The following SHISA9 variants were observed in gnomAD, a reference collection of about 807,000 sequenced individuals.
The protein encoded by SHISA9 is protein shisa-9.
Under a neutral mutation model 38.0 loss-of-function variants are expected in SHISA9, and 13 were observed. The ratio of observed to expected loss-of-function variants is 0.34; its 90% CI spans 0.22 to 0.54. The LOEUF (loss-of-function observed/expected upper bound fraction) is 0.54. Ranked by LOEUF, SHISA9 falls within the 20% of genes least tolerant of loss-of-function variation. SHISA9 has a pLI of 0.91. For synonymous variants in SHISA9, 275 were observed against 242.0 expected (o/e 1.14, Z -1.27); for missense variants, 538 against 575.8 (o/e 0.93, Z 0.67).
At chr16:13,096,731 C>A (rs1433921921) in intron 2 of SHISA9, among the ~76,000 whole-genome samples, 1 of 152,160 alleles carries the variant, frequency 6.6e-6, no homozygotes, top group Non-Finnish European at 1.5e-5. Context: ...TGTAGACTTT[C>A]TTACTCGCTC....
the SHISA9 span, among the ~76,000 whole-genome samples, chr16:13,263,083 A>T: frequency 2.6e-5 from 4 of 152,238 alleles, no homozygotes; most frequent in East Asian, 7.7e-4. Context: ...AATTTGTCTC[A>T]TGTCTTAAAC....
At chr16:13,148,395 C>T (rs572611339) in intron 2 of SHISA9, among the ~76,000 whole-genome samples, 2 of 151,974 alleles carry the variant, frequency 1.3e-5, no homozygotes, top group African/African-American at 2.4e-5. Context: ...CCATGACACA[C>T]CCACACAATC....
intron 2 of SHISA9, among the ~76,000 whole-genome samples, chr16:13,137,304 A>T (rs969308478): frequency 6.6e-6 from 1 of 152,188 alleles, no homozygotes; most frequent in Admixed American, 6.5e-5. Context: ...TCATGAAAAA[A>T]TATGTCTCAA....
the SHISA9 span, among the ~76,000 whole-genome samples, chr16:13,519,739 C>T: frequency 6.6e-6 from 1 of 152,100 alleles, no homozygotes; most frequent in Non-Finnish European, 1.5e-5. Flanking sequence ...CACATGGTGG[C>T]AGGAGAGAAA....
At chr16:13,533,739 G>T in the SHISA9 span, among the ~76,000 whole-genome samples, 1 of 150,690 alleles carries the variant, frequency 6.6e-6, no homozygotes, top group African/African-American at 2.4e-5. Flanking sequence ...CCTCTTTGTG[G>T]ATTATTTCTA....
intron 2 of SHISA9, among the ~76,000 whole-genome samples, chr16:12,970,002 A>T (rs895339922): frequency 6.6e-6 from 1 of 151,892 alleles, no homozygotes; most frequent in Admixed American, 6.6e-5. Context: ...GAAAAATGAG[A>T]TGGGGAGAGG....
Position 13,060,473 on chromosome 16 carries a change from T to A in SHISA9, c.692-142921T>A, listed in dbSNP as rs971143632. On this transcript the variant is annotated intron_variant, in intron 2 of 4. Coordinates refer to ENST00000558583, the MANE Select transcript of SHISA9 (RefSeq NM_001145204.3). ...TGGAACGGATCACAGAGGGTGATGG[T>A]GAAGACTGAAAACAGCCTAGCACGG... Among the ~76,000 whole-genome samples, 22 of 152,034 alleles carry A rather than the reference T, an allele frequency of 1.4e-4. No homozygotes were observed. The East Asian group carries it at 4.3e-3, about 29-fold the overall frequency.
chr16:13,193,050 G>A (rs992000338), intron 2 of SHISA9, among the ~76,000 whole-genome samples: 1 of 152,218 alleles, frequency 6.6e-6, no homozygotes, highest in African/African-American at 2.4e-5. Flanking sequence ...GCAGGAAGAA[G>A]GAAGTTATTC....
the SHISA9 span, among the ~76,000 whole-genome samples, chr16:13,270,864 T>C: frequency 2.6e-5 from 4 of 152,156 alleles, no homozygotes; most frequent in Non-Finnish European, 4.4e-5. Flanking sequence ...ATTAGAAGTA[T>C]AGTGGTTAGC....
the SHISA9 span, among the ~76,000 whole-genome samples, chr16:13,496,758 A>C: frequency 6.6e-6 from 1 of 152,306 alleles, no homozygotes; most frequent in East Asian, 1.9e-4. Flanking sequence ...AAAAAAATCC[A>C]TGCAGAGTAG....
chr16:13,167,536 T>C (rs999163281), intron 2 of SHISA9, among the ~76,000 whole-genome samples: 1 of 152,130 alleles, frequency 6.6e-6, no homozygotes, highest in African/African-American at 2.4e-5. Flanking sequence ...TAATCCCCAG[T>C]ATTGGAGGTG....
intron 2 of SHISA9, among the ~76,000 whole-genome samples, chr16:12,964,847 G>A (rs2071957117): frequency 6.6e-6 from 1 of 151,994 alleles, no homozygotes; most frequent in Non-Finnish European, 1.5e-5. Context: ...TTATTTCTTG[G>A]GGTTGTCAAA....
the SHISA9 span, among the ~76,000 whole-genome samples, chr16:13,522,701 T>A: frequency 6.6e-6 from 1 of 152,208 alleles, no homozygotes; most frequent in Admixed American, 6.5e-5. Flanking sequence ...AGCCTTATAA[T>A]GTAGGCCACA....
intron 2 of SHISA9, among the ~76,000 whole-genome samples, chr16:13,183,559 A>C (rs1291491434): frequency 6.6e-6 from 1 of 152,228 alleles, no homozygotes; most frequent in Non-Finnish European, 1.5e-5. Context: ...CTCCCAACTG[A>C]GAGCTTAAAG....
intron 2 of SHISA9, among the ~76,000 whole-genome samples, chr16:13,177,441 C>A (rs1006508055): frequency 6.6e-6 from 1 of 152,002 alleles, no homozygotes; most frequent in Non-Finnish European, 1.5e-5. Context: ...CCACTGTATA[C>A]AAAAATGGGT....
At chr16:13,515,224 A>G in the SHISA9 span, among the ~76,000 whole-genome samples, 1 of 152,154 alleles carries the variant, frequency 6.6e-6, no homozygotes, top group Non-Finnish European at 1.5e-5. Flanking sequence ...AAAGAGTGAA[A>G]TAAAGAACTT....
intron 2 of SHISA9, among the ~76,000 whole-genome samples, chr16:13,106,366 C>T (rs2073925371): frequency 6.6e-6 from 1 of 152,152 alleles, no homozygotes; most frequent in Non-Finnish European, 1.5e-5. Flanking sequence ...TCAGAGTCCA[C>T]CTCCACCACT....
At chr16:12,985,110 C>G (rs907214018) in intron 2 of SHISA9, among the ~76,000 whole-genome samples, 2 of 152,144 alleles carry the variant, frequency 1.3e-5, no homozygotes, top group African/African-American at 4.8e-5. Context: ...TAATCCTCAT[C>G]TCAGGATCTG....
chr16:13,075,561 G>C (rs566679845), intron 2 of SHISA9, among the ~76,000 whole-genome samples: 1 of 152,168 alleles, frequency 6.6e-6, no homozygotes, highest in Non-Finnish European at 1.5e-5. Context: ...GATCCTTCTC[G>C]TTCTGAAAAC....
Sources: allele counts gnomAD v4.1 joint callset (sites outside exome capture counted in the v4.1 genomes callset), GRCh38; gene constraint gnomAD v4.1.1; transcripts MANE v1.5; gene names NCBI Gene and HGNC (gene_info 2026-07-23, HGNC 2026-07-21).